The following FRMPD4 variants were observed in gnomAD, a reference collection of about 807,000 sequenced individuals.
FRMPD4 encodes the protein FERM and PDZ domain containing 4.
FRMPD4 carries 22 observed loss-of-function variants against 94.1 expected under a neutral mutation model. The observed-to-expected ratio is 0.23, with a 90% CI of 0.17 to 0.33. FRMPD4 has a LOEUF of 0.33. FRMPD4 is among the 10% of genes least tolerant of loss of function. FRMPD4 has a pLI of 1.00. For synonymous variants in FRMPD4, 631 were observed against 548.6 expected (o/e 1.15, Z -2.10); for missense variants, 1,111 against 1,339.9 (o/e 0.83, Z 2.67).
At chrX:12,096,223 G>A (rs1471745369) in intron 3 of FRMPD4, among the ~76,000 whole-genome samples, 3 of 111,779 alleles carry the variant, frequency 2.7e-5, no homozygotes, top group African/African-American at 9.8e-5. Flanking sequence ...TGCTGCCCGT[G>A]ACCATAATAT....
intron 4 of FRMPD4, among the ~76,000 whole-genome samples, chrX:12,628,600 C>T (rs1321251840): frequency 8.9e-6 from 1 of 112,633 alleles, no homozygotes; most frequent in Non-Finnish European, 1.9e-5. Flanking sequence ...TTGCTGTGCT[C>T]TTTAATTCTT....
At chrX:12,672,730 A>G (rs1214613594) in intron 4 of FRMPD4, among the ~76,000 whole-genome samples, 2 of 111,723 alleles carry the variant, frequency 1.8e-5, no homozygotes, top group African/African-American at 6.5e-5. Flanking sequence ...ATGAACACAT[A>G]TGGCTTCCAT....
At chrX:12,074,381 T>TC (rs921029467) in intron 3 of FRMPD4, among the ~76,000 whole-genome samples, 1 of 111,192 alleles carries the variant, frequency 9.0e-6, no homozygotes, top group African/African-American at 3.3e-5. Flanking sequence ...CGTTCATTCT[T>TC]CCACCTCTTT....
At chrX:12,623,805 A>T (rs1442120356) in intron 4 of FRMPD4, among the ~76,000 whole-genome samples, 1 of 112,117 alleles carries the variant, frequency 8.9e-6, no homozygotes, top group Non-Finnish European at 1.9e-5. Flanking sequence ...ACCCTTATAA[A>T]ACTATCAGTG....
At chrX:12,027,193 G>T (rs1204534372) in intron 3 of FRMPD4, among the ~76,000 whole-genome samples, 1 of 112,162 alleles carries the variant, frequency 8.9e-6, no homozygotes, top group Non-Finnish European at 1.9e-5. Flanking sequence ...CAAAAACGAA[G>T]TAATCTAATC....
At chrX:12,339,409 A>T (rs1182412775) in intron 1 of FRMPD4, among the ~76,000 whole-genome samples, 2 of 111,373 alleles carry the variant, frequency 1.8e-5, no homozygotes, top group African/African-American at 3.3e-5. Flanking sequence ...TGCTTTTTAC[A>T]TCTTTAACCC....
chrX:12,488,796 T>C (rs184909127), intron 1 of FRMPD4, among the ~76,000 whole-genome samples: 50 of 111,819 alleles, frequency 4.5e-4, no homozygotes, highest in Admixed American at 1.0e-3. Flanking sequence ...AAGGGACTTC[T>C]GAAATCATGT....
chrX:12,720,049 GGAAAGAAAGAAA>G (rs199713463), intron 16 of FRMPD4, among the ~76,000 whole-genome samples: 293 of 39,558 alleles, frequency 7.4e-3, no homozygotes, highest in South Asian at 0.03. Context: ...GGAAAGGAAA[GGAAAGAAAGAAA>G]GAAAGAAAGA....
chrX:12,141,007 C>A (rs1055186261), intron 1 of FRMPD4, among the ~76,000 whole-genome samples: 41 of 111,517 alleles, frequency 3.7e-4, no homozygotes, highest in African/African-American at 1.3e-3. Context: ...AGTGTGAGCC[C>A]GAGGATGGTC....
chrX:12,691,261 T>TG (rs2060077445), intron 8 of FRMPD4, among the ~76,000 whole-genome samples: 2 of 111,015 alleles, frequency 1.8e-5, no homozygotes, highest in East Asian at 2.8e-4. Flanking sequence ...TGGGGTTTTT[T>TG]TTGTTGTTGT....
intron 1 of FRMPD4, among the ~76,000 whole-genome samples, chrX:11,840,387 A>G (rs1171532064): frequency 9.0e-6 from 1 of 111,598 alleles, no homozygotes; most frequent in Admixed American, 9.6e-5. Context: ...TAGGAATACA[A>G]TTAATTTTTT....
intron 1 of FRMPD4, among the ~76,000 whole-genome samples, chrX:12,386,552 G>A (rs1002073355): frequency 3.6e-5 from 4 of 112,036 alleles, no homozygotes; most frequent in African/African-American, 1.3e-4. Flanking sequence ...TACCTATTCA[G>A]TTTGCTTCCG....
intron 1 of FRMPD4, among the ~76,000 whole-genome samples, chrX:12,418,121 G>A (rs1237786919): frequency 7.3e-5 from 8 of 109,893 alleles, no homozygotes; most frequent in African/African-American, 1.3e-4. Context: ...CTGGAATAAC[G>A]TGTTCTAAAA....
At chrX:12,366,839 TG>T (rs2056089750) in intron 1 of FRMPD4, among the ~76,000 whole-genome samples, 1 of 111,579 alleles carries the variant, frequency 9.0e-6, no homozygotes, top group African/African-American at 3.3e-5. Flanking sequence ...GAAAGTTGAA[TG>T]GGGCTGAGTG....
intron 3 of FRMPD4, among the ~76,000 whole-genome samples, chrX:11,965,147 A>C (rs2054303709): frequency 1.8e-5 from 2 of 112,523 alleles, no homozygotes; most frequent in Admixed American, 1.9e-4. Flanking sequence ...TTGCAATGTA[A>C]CGTAACATAT....
chrX:12,141,900 C>T (rs928892268), intron 1 of FRMPD4, among the ~76,000 whole-genome samples: 1 of 111,969 alleles, frequency 8.9e-6, no homozygotes, highest in Non-Finnish European at 1.9e-5. Flanking sequence ...ATTGTTACTG[C>T]TCTTTGTATT....
intron 3 of FRMPD4, among the ~76,000 whole-genome samples, chrX:12,094,395 G>A (rs1489151850): frequency 8.9e-6 from 1 of 112,245 alleles, no homozygotes; most frequent in African/African-American, 3.2e-5. Context: ...AACAGGCAGA[G>A]TTGACTTTTC....
At chrX:12,067,654 G>A in intron 3 of FRMPD4, among the ~76,000 whole-genome samples, 1 of 110,720 alleles carries the variant, frequency 9.0e-6, no homozygotes, top group African/African-American at 3.3e-5. Flanking sequence ...CTGATCTTGT[G>A]ATCTGCCTGC....
At chrX:11,844,462 C>A (rs2053561825) in intron 1 of FRMPD4, among the ~76,000 whole-genome samples, 2 of 111,186 alleles carry the variant, frequency 1.8e-5, no homozygotes, top group Admixed American at 1.9e-4. Context: ...TTATGTGACA[C>A]CTTGACTGGA....
Sources: allele counts gnomAD v4.1 joint callset (sites outside exome capture counted in the v4.1 genomes callset), GRCh38; gene constraint gnomAD v4.1.1; transcripts MANE v1.5; gene names NCBI Gene and HGNC (gene_info 2026-07-23, HGNC 2026-07-21).